Variants in MTR observed in about 807,000 individuals in gnomAD.
MTR encodes the protein methionine synthase.
MTR carries 84 observed loss-of-function variants against 154.8 expected under a neutral mutation model. The ratio of observed to expected loss-of-function variants is 0.54; its 90% confidence interval spans 0.45 to 0.65. MTR has a LOEUF of 0.65. Among genes scored for constraint, MTR ranks in the 30% least tolerant of loss-of-function variants. The pLI is 0.00. For synonymous variants in MTR, 554 were observed against 553.9 expected (o/e 1.00, Z 0.00); for missense variants, 1,275 against 1,570.2 (o/e 0.81, Z 3.18).
intron 1 of MTR, among the ~76,000 whole-genome samples, chr1:236,801,378 T>C (rs1028606966): frequency 6.6e-6 from 1 of 152,218 alleles, no homozygotes; most frequent in East Asian, 1.9e-4. Flanking sequence ...CAAATTTTTC[T>C]TTTAGGTTAC....
rs201508556 is a variant in MTR, at chr1:236,873,938, GAGGGT to G, written c.2473+99_2473+103del. The G allele has an allele frequency of 0.016, 19,056 of 1,218,682 alleles. 1,225 individuals are homozygous for G. In the East Asian group the frequency reaches 0.17, roughly 11 times the overall value. 75.5% of individuals were successfully genotyped at this position (1,218,682 alleles called of 1,614,324 possible). ...CTGTCAGTGAATAGTGATGCCCCATGAGGGTTCTGTGGGACATACAATCAAGTGCC... is the reference window on the plus strand; with the variant it reads ...CTGTCAGTGAATAGTGATGCCCCATGTCTGTGGGACATACAATCAAGTGCC... On this transcript the variant is annotated intron_variant, in intron 23 of 32. Coordinates refer to ENST00000366577, the MANE Select transcript of MTR (RefSeq NM_000254.3).
intron 29 of MTR, among the ~76,000 whole-genome samples, chr1:236,893,332 G>A (rs1402495436): frequency 7.2e-5 from 11 of 152,104 alleles, no homozygotes; most frequent in Non-Finnish European, 1.2e-4. Flanking sequence ...TTGCTTCCAC[G>A]GCGGGCAACG....
intron 22 of MTR, among the ~76,000 whole-genome samples, chr1:236,864,547 G>A (rs772061856): frequency 2.0e-5 from 3 of 152,076 alleles, no homozygotes; most frequent in Non-Finnish European, 2.9e-5. Context: ...AAGACTTAGC[G>A]TTCTCTCCTA....
intron 1 of MTR, 66 bp downstream of exon 1, chr1:236,795,803 C>A (rs1572169863): frequency 2.5e-6 from 4 of 1,610,610 alleles, no homozygotes; most frequent in East Asian, 4.5e-5. Context: ...GCCTCCTAAT[C>A]CCTGGGGCGA....
At chr1:236,796,802 T>G (rs1386783713) in intron 1 of MTR, among the ~76,000 whole-genome samples, 16 of 150,876 alleles carry the variant, frequency 1.1e-4, no homozygotes, top group African/African-American at 3.9e-4. Flanking sequence ...AATTAATAAA[T>G]GTAAACCTCC....
In MTR at chr1:236,874,738, T is replaced by C; in HGVS notation, c.2486T>C (p.Leu829Pro). 1 of 1,607,116 alleles carries C rather than the reference T, an allele frequency of 6.2e-7. No individual in the cohort carries two copies. The highest frequency in any genetic ancestry group is 8.5e-7 in the Non-Finnish European group (1 of 1,174,376). ...ALDHKADIIGLSGLITPSLDE... is the reference protein window; with the variant it reads ...ALDHKADIIGPSGLITPSLDE... The stretch of plus-strand genomic sequence containing the variant: ...AAAAAAAAAATAGATATAATTGGCC[T>C]GTCAGGACTCATCACTCCTTCCCTG... The change falls in exon 24 of 33, where the codon CTG (leucine) becomes CCG (proline). Residue 829 changes from leucine (L) to proline (P), a missense_variant. By Grantham distance (98) the Leu-to-Pro change is moderately conservative (BLOSUM62 -3). Transcript: ENST00000366577.
At chr1:236,839,894 T>C (rs898281684) in intron 15 of MTR, among the ~76,000 whole-genome samples, 8 of 152,162 alleles carry the variant, frequency 5.3e-5, no homozygotes, top group African/African-American at 1.9e-4. Flanking sequence ...CTTCAGTATA[T>C]TGAAAAATGA....
intron 28 of MTR, among the ~76,000 whole-genome samples, chr1:236,890,515 T>G (rs1414163753): frequency 6.6e-6 from 1 of 152,160 alleles, no homozygotes; most frequent in African/African-American, 2.4e-5. Flanking sequence ...GTGCCTTATA[T>G]TCACCATGCT....
intron 15 of MTR, among the ~76,000 whole-genome samples, chr1:236,842,191 G>C (rs1002602577): frequency 6.6e-6 from 1 of 152,104 alleles, no homozygotes; most frequent in Non-Finnish European, 1.5e-5. Context: ...GCGCCCGGCT[G>C]TGCTATTCTA....
chr1:236,885,060 TG>T, intron 25 of MTR, 60 bp from the exon 26 acceptor site: 1 of 1,026,928 alleles, frequency 9.7e-7, no homozygotes, highest in Non-Finnish European at 1.5e-6. Flanking sequence ...TTATCAGCAT[TG>T]ACCATTACTA....
At chr1:236,865,060 T>G (rs1232512216) in intron 22 of MTR, among the ~76,000 whole-genome samples, 1 of 152,238 alleles carries the variant, frequency 6.6e-6, no homozygotes, top group African/African-American at 2.4e-5. Context: ...CAATGTTTAT[T>G]TCTCCAGTAA....
chr1:236,873,740 T>C, intron 22 of MTR, 33 bp from the exon 23 acceptor site: 6 of 1,586,206 alleles, frequency 3.8e-6, no homozygotes, highest in Non-Finnish European at 5.2e-6. Context: ...TGGGCTTTCA[T>C]TAATTTTCTC....
At chr1:236,805,977 T>C (rs1660962095) in intron 2 of MTR, among the ~76,000 whole-genome samples, 167 bp from the exon 3 acceptor site, 1 of 152,196 alleles carries the variant, frequency 6.6e-6, no homozygotes, top group Non-Finnish European at 1.5e-5. Context: ...TGCCTTTCTG[T>C]GAAATCCTTA....
intron 16 of MTR, among the ~76,000 whole-genome samples, chr1:236,850,758 G>A (rs1162649428): frequency 6.6e-6 from 1 of 152,150 alleles, no homozygotes; most frequent in Non-Finnish European, 1.5e-5. Context: ...TTGAACCCAG[G>A]AGGGTGGAGG....
intron 19 of MTR, among the ~76,000 whole-genome samples, chr1:236,860,260 G>A (rs746762870): frequency 3.3e-5 from 5 of 152,156 alleles, no homozygotes; most frequent in Non-Finnish European, 7.4e-5. Flanking sequence ...CGCCGAGGCT[G>A]CGAATCCTGT....
rs1140598 is a variant in MTR, at chr1:236,816,543, G to T, written c.764G>T (p.Cys255Phe). Reference sequence around the variant, plus strand: ...AGCGTGTCTCATGGAGAACCACTCTGGTGAGTGATCCATCTTTCTGTAACT... The same window carrying T: ...AGCGTGTCTCATGGAGAACCACTCTTGTGAGTGATCCATCTTTCTGTAACT... Reference protein sequence around the residue: ...VISVSHGEPLCIGLNCALGAA... With the variant: ...VISVSHGEPLFIGLNCALGAA... The change falls in exon 8 of 33, where the codon TGC becomes TTC. Residue 255 changes from cysteine (C) to phenylalanine (F), a missense_variant and splice_region_variant. Physicochemically the swap from Cys to Phe is radical, Grantham distance 205. Transcript: ENST00000366577. 1 of 1,613,110 alleles carries T rather than the reference G, an allele frequency of 6.2e-7. No homozygotes were observed. The highest frequency in any genetic ancestry group is 8.5e-7 in the Non-Finnish European group (1 of 1,179,082).
Position 236,852,988 on chromosome 1 carries a change from C to T in MTR, c.1853C>T (p.Pro618Leu), listed in dbSNP as rs1410795354. 1 of 1,613,888 alleles carries T rather than the reference C, an allele frequency of 6.2e-7. No homozygotes were observed. Among genetic ancestry groups the T allele is most frequent in the African/African-American group, 1.3e-5 (1 of 74,914 alleles). ...GGGATAGTGAATGCTGGAAACCTCC[C>T]TGTGTATGATGATATCCATAAGGAA... Reference protein sequence around the residue: ...DMGIVNAGNLPVYDDIHKELL... With the variant: ...DMGIVNAGNLLVYDDIHKELL... The change falls in exon 18 of 33, where the codon CCT (proline) becomes CTT (leucine). Residue 618 changes from proline (P) to leucine (L), a missense_variant. Coordinates refer to ENST00000366577, the MANE Select transcript of MTR (RefSeq NM_000254.3).
At chr1:236,832,420 A>C (rs551316472) in intron 13 of MTR, among the ~76,000 whole-genome samples, 7 of 152,244 alleles carry the variant, frequency 4.6e-5, no homozygotes, top group African/African-American at 1.7e-4. Context: ...TTCTAGGGAA[A>C]GGGAAAGACA....
chr1:236,825,160 G>GTTTTT (rs1338214598), intron 9 of MTR, among the ~76,000 whole-genome samples, 178 bp from the exon 10 acceptor site: 34 of 62,182 alleles, frequency 5.5e-4, no homozygotes, highest in East Asian at 1.4e-3. Context: ...TTTTTTTTTA[G>GTTTTT]TTTTTTGGGG....
Sources: gnomAD v4.1 joint callset for allele counts (sites outside exome capture counted in the v4.1 genomes callset) on GRCh38, gnomAD v4.1.1 for gene constraint, MANE v1.5 for transcripts, NCBI Gene and HGNC (gene_info 2026-07-23, HGNC 2026-07-21) for gene names.